MDGA2: variants seen among roughly 807,000 people sequenced by gnomAD.
MDGA2 encodes the protein MAM domain-containing glycosylphosphatidylinositol anchor protein 2.
Under a neutral mutation model 117.8 loss-of-function variants are expected in MDGA2, and 40 were observed. The observed-to-expected ratio is 0.34, with a 90% CI of 0.26 to 0.44. MDGA2 has a LOEUF of 0.44. Among genes scored for constraint, MDGA2 ranks in the 20% least tolerant of loss-of-function variants. MDGA2 has a pLI of 1.00. For synonymous variants in MDGA2, 452 were observed against 439.0 expected (o/e 1.03, Z -0.37); for missense variants, 1,123 against 1,250.6 (o/e 0.90, Z 1.54).
chr14:47,546,496 T>G (rs1895465892), intron 1 of MDGA2, among the ~76,000 whole-genome samples: 1 of 152,130 alleles, frequency 6.6e-6, no homozygotes, highest in South Asian at 2.1e-4. Flanking sequence ...GGCTACAATA[T>G]TTACTGAATA....
chr14:47,489,423 C>CT (rs1388018132), intron 1 of MDGA2, among the ~76,000 whole-genome samples: 2 of 151,964 alleles, frequency 1.3e-5, no homozygotes, highest in Non-Finnish European at 2.9e-5. Context: ...GCTAATTAAA[C>CT]TAACTGACAG....
intron 7 of MDGA2, among the ~76,000 whole-genome samples, chr14:47,041,020 T>C (rs1289555373): frequency 6.6e-6 from 1 of 152,120 alleles, no homozygotes; most frequent in Non-Finnish European, 1.5e-5. Context: ...GAGATAAACA[T>C]AATCAATATG....
intron 5 of MDGA2, among the ~76,000 whole-genome samples, chr14:47,120,519 T>G (rs1440130080): frequency 6.6e-6 from 1 of 152,162 alleles, no homozygotes; most frequent in Non-Finnish European, 1.5e-5. Flanking sequence ...ACATACCTAT[T>G]TTCTTCAGGA....
chr14:46,939,644 T>A (rs959492619), intron 9 of MDGA2, among the ~76,000 whole-genome samples: 4 of 152,242 alleles, frequency 2.6e-5, no homozygotes, highest in Non-Finnish European at 4.4e-5. Flanking sequence ...GCACTTTTGT[T>A]GTTAGTTGCT....
chr14:47,380,933 C>T (rs12891610), intron 1 of MDGA2, among the ~76,000 whole-genome samples: 16,570 of 152,134 alleles, frequency 0.11, 1,150 homozygotes, highest in Non-Finnish European at 0.17. Flanking sequence ...ACCAATATCC[C>T]TGATGAACAC....
chr14:46,996,082 A>G (rs1341858929), intron 8 of MDGA2, among the ~76,000 whole-genome samples: 2 of 152,166 alleles, frequency 1.3e-5, no homozygotes, highest in Non-Finnish European at 2.9e-5. Context: ...AGAGTTTTGT[A>G]AAGTCCTTAA....
intron 3 of MDGA2, among the ~76,000 whole-genome samples, chr14:47,202,810 C>T (rs1885555837): frequency 6.6e-6 from 1 of 152,064 alleles, no homozygotes; most frequent in Non-Finnish European, 1.5e-5. Flanking sequence ...CACAATGGTG[C>T]TCTAATGACC....
intron 2 of MDGA2, among the ~76,000 whole-genome samples, chr14:47,220,921 C>CT (rs1886274408): frequency 6.6e-6 from 1 of 152,128 alleles, no homozygotes; most frequent in African/African-American, 2.4e-5. Flanking sequence ...ATTCATTAAC[C>CT]TCAGGGTTCA....
intron 6 of MDGA2, among the ~76,000 whole-genome samples, chr14:47,069,974 T>A (rs112902174): frequency 8.2e-4 from 125 of 152,284 alleles, no homozygotes; most frequent in African/African-American, 3.0e-3. Context: ...CCATTCCCCC[T>A]ATTTTAACTA....
chr14:47,019,826 G>A (rs1476484074), intron 8 of MDGA2, among the ~76,000 whole-genome samples: 33 of 145,270 alleles, frequency 2.3e-4, no homozygotes, highest in African/African-American at 8.4e-4. Context: ...GCGACAGAGC[G>A]AGAGTCCGTC....
At chr14:47,190,456 C>T (rs903755407) in intron 3 of MDGA2, among the ~76,000 whole-genome samples, 9 of 152,024 alleles carry the variant, frequency 5.9e-5, no homozygotes, top group African/African-American at 1.2e-4. Context: ...TTATAATCTC[C>T]GGAGGAAATA....
chr14:47,505,179 G>A (rs957053802), intron 1 of MDGA2, among the ~76,000 whole-genome samples: 2 of 152,114 alleles, frequency 1.3e-5, no homozygotes, highest in African/African-American at 4.8e-5. Context: ...CAGAAACAGA[G>A]AGTAGAACAG....
At chr14:47,529,691 A>G (rs1009977913) in intron 1 of MDGA2, among the ~76,000 whole-genome samples, 3 of 152,220 alleles carry the variant, frequency 2.0e-5, no homozygotes, top group Admixed American at 1.3e-4. Context: ...ATTTTATTTC[A>G]TGAAACATAC....
At position 47,515,045 on chromosome 14, in the gene MDGA2, T is replaced by A. The variant is rs1257431636; in HGVS notation, c.280+159472A>T. Reference sequence around the variant, plus strand: ...CCTATGCTCACTTTGTATTTTCTTATAAACTTTACTGAATAAACAAATTAG... The same window carrying A: ...CCTATGCTCACTTTGTATTTTCTTAAAAACTTTACTGAATAAACAAATTAG... On this transcript the variant is annotated intron_variant, in intron 1 of 16. Coordinates refer to ENST00000399232, the MANE Select transcript of MDGA2 (RefSeq NM_001113498.3). Among the ~76,000 whole-genome samples, 3 of 152,326 alleles carry A rather than the reference T, an allele frequency of 2.0e-5. No homozygotes were observed. The East Asian group carries it at 5.8e-4, about 29-fold the overall frequency.
intron 1 of MDGA2, among the ~76,000 whole-genome samples, chr14:47,607,021 A>G (rs1896755405): frequency 6.6e-6 from 1 of 152,172 alleles, no homozygotes; most frequent in Admixed American, 6.6e-5. Context: ...TCAACACCTT[A>G]ATTTTAAAAA....
At chr14:47,588,988 C>T (rs1173049774) in intron 1 of MDGA2, among the ~76,000 whole-genome samples, 4 of 151,848 alleles carry the variant, frequency 2.6e-5, no homozygotes, top group Admixed American at 2.0e-4. Context: ...CTTTACATTT[C>T]CTCCTCTGAT....
chr14:47,178,036 G>T (rs1327372048), intron 3 of MDGA2, among the ~76,000 whole-genome samples: 1 of 151,938 alleles, frequency 6.6e-6, no homozygotes, highest in African/African-American at 2.4e-5. Flanking sequence ...ATTCCCCTTG[G>T]AGTGCATCCC....
At chr14:46,866,807 G>T (rs551731961) in intron 14 of MDGA2, among the ~76,000 whole-genome samples, 4 of 152,164 alleles carry the variant, frequency 2.6e-5, no homozygotes, top group Non-Finnish European at 5.9e-5. Flanking sequence ...ACCATCACTG[G>T]CCATCAGAGA....
chr14:46,911,410 A>T (rs201199000), intron 10 of MDGA2, among the ~76,000 whole-genome samples: 1 of 152,238 alleles, frequency 6.6e-6, no homozygotes, highest in East Asian at 1.9e-4. Flanking sequence ...CATGTCAAAC[A>T]TTTATTATTC....
Sources: gnomAD v4.1 joint callset for allele counts (sites outside exome capture counted in the v4.1 genomes callset) on GRCh38, gnomAD v4.1.1 for gene constraint, MANE v1.5 for transcripts, NCBI Gene and HGNC (gene_info 2026-07-23, HGNC 2026-07-21) for gene names.